Variants in HADH observed in about 807,000 individuals in gnomAD.
The protein encoded by HADH is hydroxyacyl-CoA dehydrogenase.
Under a neutral mutation model 32.2 loss-of-function variants are expected in HADH, and 24 were observed. That is an observed-to-expected ratio of 0.75 (90% confidence interval 0.54 to 1.05). The LOEUF is 1.05. Among genes scored for constraint, HADH ranks in the 50% least tolerant of loss-of-function variants. The probability of loss-of-function intolerance (pLI) is 0.00; values close to 1 mark genes in which losing one functional copy is unlikely to be tolerated. For missense variants in HADH, 350 were observed against 397.1 expected (o/e 0.88, Z 1.01); for synonymous variants, 139 against 152.5 (o/e 0.91, Z 0.65).
chr4:108,012,085 C>T (rs1266595964), intron 2 of HADH, among the ~76,000 whole-genome samples: 1 of 151,740 alleles, frequency 6.6e-6, no homozygotes, highest in South Asian at 2.1e-4. Flanking sequence ...TTTTTAGAGA[C>T]AGAGTTGTAC....
At chr4:108,023,649 G>C in intron 5 of HADH, 86 bp downstream of exon 5, 3 of 852,574 alleles carry the variant, frequency 3.5e-6, no homozygotes, top group South Asian at 1.3e-5. Flanking sequence ...CTCATAGAAT[G>C]ATGTGAAAGA....
rs186831943 is a variant in HADH, at chr4:107,993,165, T to G, written c.132+3101T>G. 3.3e-5 allele frequency among the ~76,000 whole-genome samples: 5 copies of G among 152,318 alleles called. No individual in the cohort carries two copies. The East Asian group carries it at 7.7e-4, about 23-fold the overall frequency. On this transcript the variant is annotated intron_variant, in intron 1 of 7. Transcript: ENST00000309522. The stretch of plus-strand genomic sequence containing the variant: ...CATCATCTTCATTGCAGTTGTCCTG[T>G]CCTTTTGCCCTTTTCCCCTCATATC...
At chr4:108,028,078 CT>C in intron 6 of HADH, 1 of 418,940 alleles carries the variant, frequency 2.4e-6, no homozygotes, top group Non-Finnish European at 4.3e-6. Flanking sequence ...AGGTTTACTG[CT>C]TTTAAAAATA....
intron 6 of HADH, chr4:108,029,527 A>G (rs1341568000): frequency 6.6e-6 from 1 of 152,424 alleles, no homozygotes; most frequent in Non-Finnish European, 1.5e-5. Context: ...CACCCCCTGC[A>G]CAGCCTCGGC....
At chr4:108,003,714 C>A (rs1365862932) in intron 1 of HADH, among the ~76,000 whole-genome samples, 1 of 151,064 alleles carries the variant, frequency 6.6e-6, no homozygotes, top group African/African-American at 2.4e-5. Flanking sequence ...GATGTGAGAT[C>A]AAAAGCAAAA....
intron 1 of HADH, among the ~76,000 whole-genome samples, chr4:108,003,336 T>A (rs188908241): frequency 6.6e-6 from 1 of 152,208 alleles, no homozygotes; most frequent in African/African-American, 2.4e-5. Context: ...TCAAGTCCTT[T>A]TATAAAAACC....
rs750069218 is a variant in HADH, at chr4:108,023,495, A to G, written c.568A>G (p.Ser190Gly). The change falls in exon 5 of 8, where the codon AGC becomes GGC. Residue 190 changes from serine to glycine, a missense_variant. Physicochemically the swap from Ser to Gly is moderately conservative, Grantham distance 56. Coordinates refer to ENST00000309522, the MANE Select transcript of HADH (RefSeq NM_005327.7). ...CCAGGTCATTAAAACACCAATGACC[A>G]GCCAGAAGACATTTGAATCTTTGGT... ...LVEVIKTPMT[S>G]QKTFESLVDF... is the part of the protein sequence containing the mutation. 1 of 1,611,506 alleles carries G rather than the reference A, an allele frequency of 6.2e-7. No individual in the cohort carries two copies. Among genetic ancestry groups the G allele is most frequent in the East Asian group, 2.2e-5 (1 of 44,860 alleles).
chr4:108,014,141 T>C (rs965383657), intron 2 of HADH, among the ~76,000 whole-genome samples: 10 of 152,226 alleles, frequency 6.6e-5, no homozygotes, highest in Non-Finnish European at 1.5e-5. Context: ...ACAATAATTA[T>C]TTGATAAATG....
chr4:108,013,035 C>T (rs1174102310), intron 2 of HADH, among the ~76,000 whole-genome samples: 2 of 152,210 alleles, frequency 1.3e-5, no homozygotes, highest in Middle Eastern at 3.2e-3. Flanking sequence ...CGGGTTCACG[C>T]CATTCTCCTG....
At chr4:107,995,451 T>A (rs181519561) in intron 1 of HADH, among the ~76,000 whole-genome samples, 85 of 152,320 alleles carry the variant, frequency 5.6e-4, no homozygotes, top group African/African-American at 2.0e-3. Context: ...AGTGAGGATT[T>A]CTCTTAGATT....
intron 6 of HADH, chr4:108,032,136 A>G (rs1736288215): frequency 2.4e-6 from 1 of 422,618 alleles, no homozygotes; most frequent in Non-Finnish European, 4.3e-6. Flanking sequence ...TCTTTTCTTT[A>G]GCTTTGATCT....
intron 1 of HADH, among the ~76,000 whole-genome samples, chr4:107,994,760 T>A (rs1271288256): frequency 6.6e-6 from 1 of 152,202 alleles, no homozygotes; most frequent in Non-Finnish European, 1.5e-5. Flanking sequence ...AGTTGTTGCT[T>A]ATCTTTGTTG....
chr4:108,009,676 C>T (rs894691893), intron 1 of HADH, 83 bp from the exon 2 acceptor site: 2 of 1,125,450 alleles, frequency 1.8e-6, no homozygotes, highest in Non-Finnish European at 2.7e-6. Flanking sequence ...TATGAAATGC[C>T]ACTGTTTTTT....
In HADH at chr4:108,018,193, G is replaced by A. The variant is rs17038419; in HGVS notation, c.420-1347G>A. Among the ~76,000 whole-genome samples the A allele has an allele frequency of 7.3e-3, 1,118 of 152,252 alleles. 13 individuals are homozygous for A. Among genetic ancestry groups the A allele is most frequent in the African/African-American group, 0.026 (1,060 of 41,534 alleles). Reference sequence around the variant, plus strand: ...TTTCTTTTCTTAACGGGAGTGTGGAGCCACAGCTGGCACAGCCTTGGGCCC... The same window carrying A: ...TTTCTTTTCTTAACGGGAGTGTGGAACCACAGCTGGCACAGCCTTGGGCCC... On this transcript the variant is annotated intron_variant, in intron 3 of 7. Transcript: ENST00000309522.
At chr4:107,997,368 A>T (rs1241173549) in intron 1 of HADH, among the ~76,000 whole-genome samples, 1 of 152,158 alleles carries the variant, frequency 6.6e-6, no homozygotes, top group Non-Finnish European at 1.5e-5. Flanking sequence ...CAGTCACCAG[A>T]CCAGTTGATG....
At chr4:108,015,928 A>G (rs1735677291) in intron 3 of HADH, among the ~76,000 whole-genome samples, 1 of 152,106 alleles carries the variant, frequency 6.6e-6, no homozygotes, top group Non-Finnish European at 1.5e-5. Flanking sequence ...CTGTCTGCCA[A>G]GGACCCTCAG....
chr4:108,008,526 T>C (rs1211583671), intron 1 of HADH, among the ~76,000 whole-genome samples: 1 of 152,218 alleles, frequency 6.6e-6, no homozygotes, highest in Non-Finnish European at 1.5e-5. Flanking sequence ...TGCTCTTTTG[T>C]TTCTGTTTCT....
chr4:108,003,993 G>A (rs1735206338), intron 1 of HADH, among the ~76,000 whole-genome samples: 2 of 152,134 alleles, frequency 1.3e-5, no homozygotes, highest in African/African-American at 4.8e-5. Flanking sequence ...TTGGCACACA[G>A]GCTCTGGAGT....
chr4:108,001,102 A>G (rs1033059514), intron 1 of HADH, among the ~76,000 whole-genome samples: 1 of 152,230 alleles, frequency 6.6e-6, no homozygotes, highest in Non-Finnish European at 1.5e-5. Flanking sequence ...AAAAGGCTTC[A>G]TGGAGAGGGT....
Sources: gnomAD v4.1 joint callset for allele counts (sites outside exome capture counted in the v4.1 genomes callset) on GRCh38, gnomAD v4.1.1 for gene constraint, MANE v1.5 for transcripts, NCBI Gene and HGNC (gene_info 2026-07-23, HGNC 2026-07-21) for gene names.